ALDH1L2: variants seen among roughly 807,000 people sequenced by gnomAD.
ALDH1L2 encodes mitochondrial 10-formyltetrahydrofolate dehydrogenase.
ALDH1L2 carries 91 observed loss-of-function variants against 111.0 expected under a neutral mutation model. The ratio of observed to expected loss-of-function variants is 0.82; its 90% CI spans 0.69 to 0.98. The LOEUF is 0.98. Among genes scored for constraint, ALDH1L2 ranks in the 50% least tolerant of loss-of-function variants. ALDH1L2 has a pLI of 0.00. For synonymous variants in ALDH1L2, 374 were observed against 392.6 expected, an observed-to-expected ratio of 0.95 and a Z score of 0.56; for missense variants, 995 against 1,126.8, an observed-to-expected ratio of 0.88 and a Z score of 1.67.
Position 105,022,088 on chromosome 12 carries a change from T to C in ALDH1L2, c.*2336A>G, listed in dbSNP as rs2136039977. 1 of 152,358 alleles carries C rather than the reference T, an allele frequency of 6.6e-6. No homozygotes were observed. Among genetic ancestry groups the C allele is most frequent in the South Asian group, 2.1e-4 (1 of 4,828 alleles). The allele number at this position is 152,358 out of a possible 1,614,324, so 9.4% of individuals were successfully genotyped here. A position where few individuals can be genotyped will look rare whatever the true frequency, so the allele number is the denominator to read the frequency against. ...TCTAAAGCAACAGCGATGATTTTAT[T>C]ACTCTATGTGTTAAGTAAATCACCT... On this transcript the variant is annotated 3_prime_UTR_variant, in exon 23 of 23. Transcript: ENST00000258494.
In ALDH1L2 at chr12:105,066,595, T is replaced by C; in HGVS notation, c.669A>G (p.Glu223=). 1 of 1,614,186 alleles carries C rather than the reference T, an allele frequency of 6.2e-7. No individual in the cohort carries two copies. ...CAGCATTTTCCTTTTTCTGGATACC[T>C]TCATATGTTGCCCCTTCTTCTGGCT... ...IPQPEEGATY[E]GIQKKENAEI... is the part of the protein sequence containing the mutation. Residue 223 remains glutamate, a synonymous_variant, in exon 5 of 23, where the codon GAA becomes GAG. Coordinates refer to ENST00000258494, the MANE Select transcript of ALDH1L2 (RefSeq NM_001034173.4).
chr12:105,062,772 C>T, intron 7 of ALDH1L2, 116 bp downstream of exon 7: 1 of 1,305,342 alleles, frequency 7.7e-7, no homozygotes, highest in Non-Finnish European at 1.0e-6. Context: ...TCCATCAGGG[C>T]ACTCAGAGCC....
In ALDH1L2 at chr12:105,058,195, A is replaced by AT; in HGVS notation, c.1164dup (p.Cys389MetfsTer9). ...TCATTCTGCAACTGAAGCCCACCAC[A>AT]TTTCTGTCTGATCTCTTCAACCAGC... On this transcript the variant is annotated frameshift_variant, in exon 10 of 23. Transcript: ENST00000258494. LOFTEE classifies it high-confidence loss of function. 1 of 1,609,738 alleles carries AT rather than the reference A, an allele frequency of 6.2e-7. No individual in the cohort carries two copies. The highest frequency in any genetic ancestry group is 8.5e-7 in the Non-Finnish European group (1 of 1,178,520).
intron 22 of ALDH1L2, among the ~76,000 whole-genome samples, chr12:105,025,264 A>G (rs1293568006): frequency 4.6e-5 from 7 of 152,194 alleles, no homozygotes; most frequent in African/African-American, 1.7e-4. Context: ...CCCCAGATCA[A>G]TTAGATCAGT....
chr12:105,062,618 C>T (rs1446390196), intron 7 of ALDH1L2, among the ~76,000 whole-genome samples: 1 of 152,174 alleles, frequency 6.6e-6, no homozygotes, highest in African/African-American at 2.4e-5. Flanking sequence ...AAAACAGACT[C>T]AAAGGGAAGA....
Position 105,067,165 on chromosome 12 carries a change from G to A in ALDH1L2, c.595-496C>T, listed in dbSNP as rs368098576. 6.1e-4 allele frequency among the ~76,000 whole-genome samples: 87 copies of A among 143,362 alleles called. No individual in the cohort carries two copies. The East Asian group carries it at 1.0e-2, about 16-fold the overall frequency. 94.1% of individuals were successfully genotyped at this position (143,362 alleles called of 152,430 possible). A position where few individuals can be genotyped will look rare whatever the true frequency, so the allele number is the denominator to read the frequency against. On this transcript the variant is annotated intron_variant, in intron 4 of 22. Coordinates refer to ENST00000258494, the MANE Select transcript of ALDH1L2 (RefSeq NM_001034173.4). ...CGGGAGGCAGAGCTTGCAGTGAGCC[G>A]AGATCACACCACTGCACTCCAGCCT...
chr12:105,036,151 T>C (rs1243921896), intron 18 of ALDH1L2, among the ~76,000 whole-genome samples: 1 of 60,958 alleles, frequency 1.6e-5, no homozygotes, highest in East Asian at 8.4e-4. Flanking sequence ...TATTTATATA[T>C]GTGTATATAA....
chr12:105,044,932 T>C (rs1191206564), intron 15 of ALDH1L2, among the ~76,000 whole-genome samples: 3 of 152,076 alleles, frequency 2.0e-5, no homozygotes, highest in African/African-American at 7.2e-5. Flanking sequence ...TTTGTGTGTG[T>C]TTTTAAAAAT....
chr12:105,040,653 C>A lies in ALDH1L2; in HGVS notation c.1905G>T (p.Val635=). The change falls in exon 16 of 23, where the codon GTG becomes GTT. Residue 635 remains valine, a synonymous_variant. Transcript: ENST00000258494. The stretch of plus-strand genomic sequence containing the variant: ...TGACCCCCTTTGGAAAGCCTGCTTT[C>A]ACAGACAGTTCTGCAAACTTCAAAG... The part of the protein sequence containing the change: ...LTALKFAELS[V]KAGFPKGVIN... 1 of 1,614,176 alleles carries A rather than the reference C, an allele frequency of 6.2e-7. No individual in the cohort carries two copies. Among genetic ancestry groups the A allele is most frequent in the Non-Finnish European group, 8.5e-7 (1 of 1,180,016 alleles).
At chr12:105,024,530 A>G (rs1195659866) in intron 22 of ALDH1L2, 51 bp from the exon 23 acceptor site, 2 of 1,563,520 alleles carry the variant, frequency 1.3e-6, no homozygotes, top group Admixed American at 3.3e-5. Flanking sequence ...CAGACATGTG[A>G]TGTCTTCAGA....
intron 13 of ALDH1L2, 125 bp from the exon 14 acceptor site, chr12:105,047,094 A>G (rs1256810467): frequency 4.0e-6 from 4 of 990,342 alleles, no homozygotes; most frequent in African/African-American, 1.6e-5. Context: ...GCGTTTGTTG[A>G]TAAGAACTAT....
intron 1 of ALDH1L2, among the ~76,000 whole-genome samples, chr12:105,077,946 T>A (rs911070036): frequency 1.3e-5 from 2 of 152,034 alleles, no homozygotes; most frequent in African/African-American, 4.8e-5. Context: ...CAAAGTACAT[T>A]TTCCTGAGAC....
chr12:105,081,164 A>G (rs904656171), intron 1 of ALDH1L2, among the ~76,000 whole-genome samples: 3 of 152,246 alleles, frequency 2.0e-5, no homozygotes, highest in Admixed American at 2.0e-4. Flanking sequence ...TTTGATATCC[A>G]CGGGAGGTCC....
At chr12:105,036,547 TATATATATATATATATATAA>T (rs1565952346) in intron 18 of ALDH1L2, among the ~76,000 whole-genome samples, 10 of 39,420 alleles carry the variant, frequency 2.5e-4, no homozygotes, top group African/African-American at 2.0e-3. Context: ...TATATATATA[TATATATATATATATATATAA>T]AATGGATGTG....
chr12:105,048,167 C>G (rs1172593190), intron 13 of ALDH1L2: 4 of 152,216 alleles, frequency 2.6e-5, no homozygotes, highest in Non-Finnish European at 4.4e-5. Flanking sequence ...GCAGACTTGT[C>G]TAATCCTGTA....
intron 10 of ALDH1L2, 38 bp from the exon 11 acceptor site, chr12:105,052,969 T>G (rs1245758506): frequency 1.2e-6 from 2 of 1,607,128 alleles, no homozygotes; most frequent in Non-Finnish European, 1.7e-6. Flanking sequence ...TGGATTTCCG[T>G]GTTTACCAAT....
chr12:105,053,457 C>A (rs10861327), intron 10 of ALDH1L2, among the ~76,000 whole-genome samples: 58,664 of 152,030 alleles, frequency 0.39, 12,536 homozygotes, highest in Middle Eastern at 0.61. Flanking sequence ...TTTGATGAGG[C>A]TCAGTTTTTT....
At position 105,051,961 on chromosome 12, in the gene ALDH1L2, A is replaced by C. The variant is rs1876299355; in HGVS notation, c.1535+129T>G. On this transcript the variant is annotated intron_variant, in intron 12 of 22. Coordinates refer to ENST00000258494, the MANE Select transcript of ALDH1L2 (RefSeq NM_001034173.4). ...CACCACTCACGCCTGTAATCCCAGCACTTTGGGAGGCTGAGGCAGGTGAAT... is the reference window on the plus strand; with the variant it reads ...CACCACTCACGCCTGTAATCCCAGCCCTTTGGGAGGCTGAGGCAGGTGAAT... 4 of 839,454 alleles carry C rather than the reference A, an allele frequency of 4.8e-6. 1 individual carries two copies. The highest frequency in any genetic ancestry group is 6.6e-6 in the Non-Finnish European group (4 of 605,730). 52.0% of individuals were successfully genotyped at this position (839,454 alleles called of 1,614,324 possible).
chr12:105,059,325 C>T (rs1876845266), intron 9 of ALDH1L2, among the ~76,000 whole-genome samples: 1 of 148,452 alleles, frequency 6.7e-6, no homozygotes, highest in Non-Finnish European at 1.5e-5. Flanking sequence ...TAATACAGTA[C>T]TGTGTGTGAT....
Sources: gnomAD v4.1 joint callset for allele counts (sites outside exome capture counted in the v4.1 genomes callset) on GRCh38, gnomAD v4.1.1 for gene constraint, MANE v1.5 for transcripts, NCBI Gene and HGNC (gene_info 2026-07-23, HGNC 2026-07-21) for gene names.